ACACA: variants seen among roughly 807,000 people sequenced by gnomAD.
ACACA encodes the protein acetyl-CoA carboxylase 1.
Under a neutral mutation model 296.1 loss-of-function variants are expected in ACACA, and 103 were observed. That is an observed-to-expected ratio of 0.35 (90% CI 0.30 to 0.41). ACACA has a LOEUF of 0.41. Ranked by LOEUF, ACACA falls within the 10% of genes least tolerant of loss-of-function variation. The probability of loss-of-function intolerance (pLI) is 1.00; values close to 1 mark genes in which losing one functional copy is unlikely to be tolerated. For synonymous variants in ACACA, 953 were observed against 1,038.6 expected (o/e 0.92, Z 1.58); for missense variants, 1,554 against 2,989.7 (o/e 0.52, Z 11.20).
intron 16 of ACACA, among the ~76,000 whole-genome samples, chr17:37,250,396 T>C (rs1473522740): frequency 6.6e-6 from 1 of 152,184 alleles, no homozygotes; most frequent in Non-Finnish European, 1.5e-5. Context: ...TTCCAGCTAT[T>C]TGGGAGGCCA....
intron 2 of ACACA, among the ~76,000 whole-genome samples, chr17:37,331,164 C>T (rs1485543873): frequency 6.6e-6 from 1 of 151,798 alleles, no homozygotes; most frequent in South Asian, 2.1e-4. Flanking sequence ...GTTGCCCAGG[C>T]TGGAGTGCAG....
chr17:37,174,818 A>G (rs1240884967), intron 41 of ACACA, among the ~76,000 whole-genome samples: 1 of 152,192 alleles, frequency 6.6e-6, no homozygotes, highest in African/African-American at 2.4e-5. Context: ...GGTATAAGCC[A>G]CCACGCCTGG....
At chr17:37,163,688 T>C (rs1049492277) in intron 41 of ACACA, among the ~76,000 whole-genome samples, 1 of 152,212 alleles carries the variant, frequency 6.6e-6, no homozygotes, top group Non-Finnish European at 1.5e-5. Flanking sequence ...TGCTCAACAT[T>C]GCATCCTTGT....
intron 3 of ACACA, among the ~76,000 whole-genome samples, chr17:37,307,617 CAG>C (rs1308761601): frequency 6.6e-6 from 1 of 151,974 alleles, no homozygotes; most frequent in Non-Finnish European, 1.5e-5. Context: ...GTTTTTGAGA[CAG>C]AGTCTCGCTC....
chr17:37,305,642 G>T (rs2146941723), intron 3 of ACACA, among the ~76,000 whole-genome samples: 1 of 152,282 alleles, frequency 6.6e-6, no homozygotes, highest in East Asian at 1.9e-4. Flanking sequence ...ACCACAAACA[G>T]GCAAAGTCAC....
intron 29 of ACACA, among the ~76,000 whole-genome samples, chr17:37,219,669 T>C (rs1475176510): frequency 6.7e-6 from 1 of 148,844 alleles, no homozygotes; most frequent in Non-Finnish European, 1.5e-5. Flanking sequence ...TTTATATATA[T>C]AAAAAACATA....
chr17:37,118,595 A>G (rs1262362935), intron 50 of ACACA, among the ~76,000 whole-genome samples: 2 of 151,948 alleles, frequency 1.3e-5, no homozygotes, highest in Non-Finnish European at 2.9e-5. Flanking sequence ...TTAGGCTCTA[A>G]CTGTGTTACA....
Position 37,181,228 on chromosome 17 carries a change from T to A in ACACA, c.4905A>T (p.Ile1635=). 3 of 1,614,136 alleles carry A rather than the reference T, an allele frequency of 1.9e-6. No individual in the cohort carries two copies. Among genetic ancestry groups the A allele is most frequent in the Non-Finnish European group, 2.5e-6 (3 of 1,179,990 alleles). The change falls in exon 40 of 56, where the codon ATA becomes ATT. Residue 1635 remains isoleucine, a synonymous_variant. Coordinates refer to ENST00000616317, the MANE Select transcript of ACACA (RefSeq NM_198834.3). The part of the protein sequence containing the change: ...FQAQSLGTTY[I]YDIPEMFRQS... Reference sequence around the variant, plus strand: ...GCCGAAACATCTCTGGGATATCATATATGTATGTTGTCCCTAAGGATTGTG... The same window carrying A: ...GCCGAAACATCTCTGGGATATCATAAATGTATGTTGTCCCTAAGGATTGTG...
chr17:37,373,266 T>C (rs908296076), intron 1 of ACACA, among the ~76,000 whole-genome samples: 2 of 151,782 alleles, frequency 1.3e-5, no homozygotes, highest in Non-Finnish European at 2.9e-5. Flanking sequence ...CTTTTTTTTT[T>C]AAATGGAGTC....
chr17:37,122,588 G>T lies in ACACA; in HGVS notation c.6081C>A (p.Thr2027=), dbSNP rs1325767009. 6.2e-7 allele frequency: 1 copy of T among 1,614,130 alleles called. No homozygotes were observed. Among genetic ancestry groups the T allele is most frequent in the Non-Finnish European group, 8.5e-7 (1 of 1,180,022 alleles). Residue 2027 remains threonine, a synonymous_variant, in exon 49 of 56, where the codon ACC becomes ACA. Transcript: ENST00000616317. ...GIPVGVVAVE[T]RTVELSIPAD... The stretch of plus-strand genomic sequence containing the variant: ...CTGGGATACTTAGTTCTACTGTTCG[G>T]GTTTCTACAGCAACAACTCCCACAG...
intron 48 of ACACA, among the ~76,000 whole-genome samples, chr17:37,123,173 T>C (rs1366192673): frequency 6.6e-6 from 1 of 152,296 alleles, no homozygotes; most frequent in South Asian, 2.1e-4. Context: ...ATAGGGAGTA[T>C]GTAGGCATGT....
chr17:37,281,186 A>G (rs933507592), intron 5 of ACACA, among the ~76,000 whole-genome samples: 4 of 151,132 alleles, frequency 2.6e-5, no homozygotes, highest in Admixed American at 1.3e-4. Context: ...TCAGCTTCCG[A>G]GTAGCTGGAT....
intron 25 of ACACA, among the ~76,000 whole-genome samples, chr17:37,227,274 T>C (rs1468348616): frequency 1.3e-5 from 2 of 152,232 alleles, no homozygotes; most frequent in Non-Finnish European, 2.9e-5. Context: ...GCAATTTCCA[T>C]CTAAGCTGAA....
intron 26 of ACACA, chr17:37,225,317 C>T: frequency 1.9e-6 from 1 of 517,614 alleles, no homozygotes; most frequent in Admixed American, 3.1e-5. Context: ...CCATGATTTG[C>T]ATTGTGGCCA....
chr17:37,097,181 G>A lies in ACACA; in HGVS notation c.6721-15C>T. On this transcript the variant is annotated splice_polypyrimidine_tract_variant and intron_variant, in intron 53 of 55. Transcript: ENST00000616317. This position sits in a 1 kb window ranked among gnomAD's most constrained non-coding sequence, Gnocchi z 4.8. ...TCCAGGATATCCTACATGCAGAGAA[G>A]AATAAACTTAGCCCAGTCCTAATTC... 3 of 1,611,744 alleles carry A rather than the reference G, an allele frequency of 1.9e-6. No homozygotes were observed. In the South Asian group the frequency reaches 3.3e-5, roughly 18 times the overall value.
intron 47 of ACACA, among the ~76,000 whole-genome samples, chr17:37,128,333 T>G (rs916296581): frequency 2.0e-5 from 3 of 152,190 alleles, no homozygotes; most frequent in Admixed American, 1.3e-4. Context: ...AGGTCGTAAG[T>G]GCAAAAAAGA....
At chr17:37,114,663 CT>C (rs2074153728) in intron 50 of ACACA, among the ~76,000 whole-genome samples, 1 of 151,982 alleles carries the variant, frequency 6.6e-6, no homozygotes, top group African/African-American at 2.4e-5. Context: ...TATTTCCCAA[CT>C]TTTTATGGAC....
chr17:37,221,188 T>C (rs990252614), intron 29 of ACACA, among the ~76,000 whole-genome samples: 3 of 152,226 alleles, frequency 2.0e-5, no homozygotes, highest in African/African-American at 7.2e-5. Context: ...CATGGCTTAA[T>C]TCAGTAATTT....
At chr17:37,215,212 C>T (rs552935924) in intron 29 of ACACA, among the ~76,000 whole-genome samples, 9 of 152,256 alleles carry the variant, frequency 5.9e-5, no homozygotes, top group African/African-American at 1.2e-4. Flanking sequence ...AAGTAGCAAA[C>T]AGCAGAGAAG....
Sources: gnomAD v4.1 joint callset for allele counts (sites outside exome capture counted in the v4.1 genomes callset) on GRCh38, gnomAD v4.1.1 for gene constraint, Gnocchi (gnomAD v3.1) non-coding constraint, MANE v1.5 for transcripts, NCBI Gene and HGNC (gene_info 2026-07-23, HGNC 2026-07-21) for gene names.